EARS2: variants seen among roughly 807,000 people sequenced by gnomAD.
The protein encoded by EARS2 is nondiscriminating glutamyl-tRNA synthetase EARS2, mitochondrial.
Under a neutral mutation model 54.1 loss-of-function variants are expected in EARS2, and 50 were observed. The ratio of observed to expected loss-of-function variants is 0.92; its 90% CI spans 0.74 to 1.17. EARS2 has a LOEUF of 1.17. Among genes scored for constraint, EARS2 ranks in the 50% most tolerant of loss-of-function variants. The pLI is 0.00. For synonymous variants in EARS2, 298 were observed against 281.0 expected (o/e 1.06, Z -0.61); for missense variants, 673 against 675.0 (o/e 1.00, Z 0.03).
chr16:23,550,273 G>T (rs1567390190), intron 2 of EARS2, among the ~76,000 whole-genome samples: 1 of 151,734 alleles, frequency 6.6e-6, no homozygotes, highest in Non-Finnish European at 1.5e-5. Flanking sequence ...AGGCTAAGGT[G>T]AGAGGATCCC....
In EARS2 at chr16:23,532,692, G is replaced by A. The variant is rs1449851041; in HGVS notation, c.1032C>T (p.Ala344=). The change falls in exon 5 of 9, where the codon GCC becomes GCT. Residue 344 remains alanine, a synonymous_variant. Coordinates refer to ENST00000449606, the MANE Select transcript of EARS2 (RefSeq NM_001083614.2). The stretch of plus-strand genomic sequence containing the variant: ...CTGGGAGCTTCTCCAGGTCCAGCAG[G>A]GCTGAGTGACAGGTGACCTGTGTCA... ...FNLTQVTCHS[A]LLDLEKLPEF... 2 of 1,613,912 alleles carry A rather than the reference G, an allele frequency of 1.2e-6. No individual in the cohort carries two copies. Among genetic ancestry groups the A allele is most frequent in the East Asian group, 4.5e-5 (2 of 44,892 alleles).
intron 1 of EARS2, 116 bp downstream of exon 1, chr16:23,557,089 A>T (rs987605260): frequency 9.1e-6 from 13 of 1,424,088 alleles, no homozygotes; most frequent in Non-Finnish European, 1.2e-5. Context: ...GCGCTGCCTT[A>T]ACCCTCCTCC....
rs1406535114 is a variant in EARS2, at chr16:23,535,188, T to C, written c.658A>G (p.Met220Val). The C allele has an allele frequency of 6.8e-6, 11 of 1,613,866 alleles. No individual in the cohort carries two copies. The highest frequency in any genetic ancestry group is 9.3e-6 in the Non-Finnish European group (11 of 1,180,014). ...TATGTGGGGAAGCCGTCGCTCTTCA[T>C]GATGACTGGGTCTCCCTCCACGCTG... is the stretch of plus-strand genomic sequence containing the variant. ...VASVEGDPVIMKSDGFPTYHL... is the reference protein window; with the variant it reads ...VASVEGDPVIVKSDGFPTYHL... The change falls in exon 4 of 9, where the codon ATG (methionine) becomes GTG (valine). Residue 220 changes from methionine (M) to valine (V), a missense_variant. Physicochemically the swap from Met to Val is conservative, Grantham distance 21. Transcript: ENST00000449606.
chr16:23,523,116 A>G lies in EARS2; in HGVS notation c.*1255T>C, dbSNP rs898483541. On this transcript the variant is annotated 3_prime_UTR_variant, in exon 9 of 9. Transcript: ENST00000449606. ...TGGTTACACAAGTCAGGCCTATTCA[A>G]TGTGGGAAGGAACCACACAAGGGTG... 2 of 152,250 alleles carry G rather than the reference A, an allele frequency of 1.3e-5. No homozygotes were observed. The highest frequency in any genetic ancestry group is 2.4e-5 in the African/African-American group (1 of 41,470). The allele number at this position is 152,250 out of a possible 1,614,324, so 9.4% of individuals were successfully genotyped here.
At chr16:23,554,997 C>G (rs1965752621) in intron 1 of EARS2, among the ~76,000 whole-genome samples, 1 of 152,234 alleles carries the variant, frequency 6.6e-6, no homozygotes, top group South Asian at 2.1e-4. Context: ...GCCTTTCCCA[C>G]ATGGGCTTTC....
chr16:23,533,650 C>T (rs1323162322), intron 4 of EARS2, among the ~76,000 whole-genome samples: 1 of 152,226 alleles, frequency 6.6e-6, no homozygotes, highest in Non-Finnish European at 1.5e-5. Flanking sequence ...ACACGAGCTG[C>T]AGAACAGTAC....
rs1182775619 is a variant in EARS2, at chr16:23,523,530, C to T, written c.*841G>A. ...GCTTACCCTTGGCAGTGGAGTCACA[C>T]TTCTCCTTTTACAACCCCAAAGAAA... On this transcript the variant is annotated 3_prime_UTR_variant, in exon 9 of 9. Transcript: ENST00000449606. 2 of 152,266 alleles carry T rather than the reference C, an allele frequency of 1.3e-5. No individual in the cohort carries two copies. Among genetic ancestry groups the T allele is most frequent in the East Asian group, 3.9e-4 (2 of 5,192 alleles). The allele number at this position is 152,266 out of a possible 1,614,324, so 9.4% of individuals were successfully genotyped here.
At chr16:23,550,362 G>A (rs1182908163) in intron 2 of EARS2, among the ~76,000 whole-genome samples, 1 of 108,264 alleles carries the variant, frequency 9.2e-6, no homozygotes, top group Admixed American at 9.7e-5. Flanking sequence ...GCAAGATTTT[G>A]TTTGTTAAAA....
In EARS2 at chr16:23,525,263, A is replaced by C. The variant is rs1320043899; in HGVS notation, c.1469T>G (p.Met490Arg). 1 of 1,614,176 alleles carries C rather than the reference A, an allele frequency of 6.2e-7. No individual in the cohort carries two copies. The highest frequency in any genetic ancestry group is 1.7e-5 in the Admixed American group (1 of 60,012). The part of the protein sequence containing the change: ...KYSNVMKLLR[M>R]ALSGQQQGPP... ...CCTCACCTGCTGTCCACTGAGGGCC[A>C]TCCGAAGGAGTTTCATCACATTACT... The change falls in exon 8 of 9, where the codon ATG becomes AGG. Residue 490 changes from methionine to arginine, a missense_variant. By Grantham distance (91) the Met-to-Arg change is moderately conservative. This residue lies in a region of EARS2 where 338 missense variants were observed against 361.2 expected (regional missense o/e 0.94). Coordinates refer to ENST00000449606, the MANE Select transcript of EARS2 (RefSeq NM_001083614.2).
chr16:23,524,527 G>T, intron 8 of EARS2, 73 bp from the exon 9 acceptor site: 2 of 1,354,490 alleles, frequency 1.5e-6, no homozygotes, highest in Non-Finnish European at 1.1e-6. Context: ...GCCTTAGTCT[G>T]CAGAAATTAT....
At position 23,544,658 on chromosome 16, in the gene EARS2, G is replaced by A. The variant is rs1177324074; in HGVS notation, c.341C>T (p.Pro114Leu). The A allele has an allele frequency of 6.2e-7, 1 of 1,610,552 alleles. No homozygotes were observed. Among genetic ancestry groups the A allele is most frequent in the East Asian group, 2.2e-5 (1 of 44,808 alleles). ...ESPRRGGPAG[P>L]YQQSQRLELY... The stretch of plus-strand genomic sequence containing the variant: ...CTCCAACCGCTGAGATTGCTGGTAG[G>A]GCCCAGCAGGACCGCCCCGGCGGGG... Residue 114 changes from proline to leucine, a missense_variant, in exon 3 of 9, where the codon CCC becomes CTC. Coordinates refer to ENST00000449606, the MANE Select transcript of EARS2 (RefSeq NM_001083614.2).
At chr16:23,556,779 T>C (rs1190342421) in intron 1 of EARS2, 1 of 420,968 alleles carries the variant, frequency 2.4e-6, no homozygotes, top group Non-Finnish European at 4.6e-6. Flanking sequence ...CCCAGTCTCC[T>C]ATCCTGTTTC....
At position 23,524,926 on chromosome 16, in the gene EARS2, T is replaced by C; in HGVS notation, c.1488+318A>G. On this transcript the variant is annotated intron_variant, in intron 8 of 8. Transcript: ENST00000449606. ...TCCCAAAGTGCTGGGAATACAGGTG[T>C]GAGCCACCGTGCCTGGCCTGATTTT... is the stretch of plus-strand genomic sequence containing the variant. 5.5e-6 allele frequency: 3 copies of C among 542,994 alleles called. No individual in the cohort carries two copies. In the East Asian group the frequency reaches 9.6e-5, roughly 17 times the overall value. 33.6% of individuals were successfully genotyped at this position (542,994 alleles called of 1,614,324 possible). A position where few individuals can be genotyped will look rare whatever the true frequency, so the allele number is the denominator to read the frequency against.
intron 7 of EARS2, among the ~76,000 whole-genome samples, chr16:23,527,172 C>T (rs1965243019): frequency 6.6e-6 from 1 of 152,096 alleles, no homozygotes; most frequent in South Asian, 2.1e-4. Flanking sequence ...AGCTATGTTG[C>T]CCAGGCTGGT....
intron 7 of EARS2, among the ~76,000 whole-genome samples, chr16:23,529,136 T>C (rs1567378901): frequency 6.6e-6 from 1 of 152,230 alleles, no homozygotes; most frequent in Non-Finnish European, 1.5e-5. Context: ...AATTGAAAGT[T>C]ATTACTGTTA....
chr16:23,521,262 C>T lies in EARS2; in HGVS notation c.*3109G>A, dbSNP rs1170259255. Among the ~76,000 whole-genome samples the T allele has an allele frequency of 6.6e-6, 1 of 152,120 alleles. No individual in the cohort carries two copies. The highest frequency in any genetic ancestry group is 2.4e-5 in the African/African-American group (1 of 41,422). On this transcript the variant is annotated 3_prime_UTR_variant, in exon 9 of 9. Coordinates refer to ENST00000449606, the MANE Select transcript of EARS2 (RefSeq NM_001083614.2). ...CATCTTGCAAAACTGAAACTCTATACCCTAAACAGTAACTTCCCATTTCTG... is the reference window on the plus strand; with the variant it reads ...CATCTTGCAAAACTGAAACTCTATATCCTAAACAGTAACTTCCCATTTCTG...
intron 1 of EARS2, among the ~76,000 whole-genome samples, chr16:23,555,064 A>G (rs1394181246): frequency 6.6e-6 from 1 of 152,226 alleles, no homozygotes; most frequent in Admixed American, 6.5e-5. Context: ...GCTGTGTATT[A>G]AGTGCTTTCT....
intron 2 of EARS2, among the ~76,000 whole-genome samples, chr16:23,547,375 G>A (rs1226059730): frequency 6.6e-6 from 1 of 152,184 alleles, no homozygotes; most frequent in Admixed American, 6.5e-5. Flanking sequence ...TGCTAATAAG[G>A]AAGAGTTTCT....
chr16:23,544,383 G>A (rs1965565187), intron 3 of EARS2, 131 bp downstream of exon 3: 5 of 898,760 alleles, frequency 5.6e-6, no homozygotes, highest in East Asian at 5.3e-5. Flanking sequence ...AGAAACAGGT[G>A]AGGCCACGCT....
Sources: allele counts gnomAD v4.1 joint callset (sites outside exome capture counted in the v4.1 genomes callset), GRCh38; gene constraint gnomAD v4.1.1; regional missense constraint gnomAD v4.1.1; transcripts MANE v1.5; gene names NCBI Gene and HGNC (gene_info 2026-07-23, HGNC 2026-07-21).